Variants in OR52E5 observed in about 807,000 individuals in gnomAD.
OR52E5 encodes the protein olfactory receptor 52E5.
Position 5,902,671 on chromosome 11 carries a change from T to C in OR52E5, c.*911T>C, listed in dbSNP as rs1847272479. ...GTGTGGCTGCTGAAATAATATAAAGTCATTCTTAATAAGGTATAGAAGATA... is the reference window on the plus strand; with the variant it reads ...GTGTGGCTGCTGAAATAATATAAAGCCATTCTTAATAAGGTATAGAAGATA... On this transcript the variant is annotated 3_prime_UTR_variant, in exon 3 of 3. Coordinates refer to ENST00000610445, the MANE Select transcript of OR52E5 (RefSeq NM_001005166.5). The C allele has an allele frequency of 6.6e-6, 1 of 152,156 alleles. No homozygotes were observed. The highest frequency in any genetic ancestry group is 1.5e-5 in the Non-Finnish European group (1 of 68,024). 9.4% of individuals were successfully genotyped at this position (152,156 alleles called of 1,614,324 possible).
At chr11:5,896,438 A>G (rs1160581782) in intron 2 of OR52E5, among the ~76,000 whole-genome samples, 2 of 143,156 alleles carry the variant, frequency 1.4e-5, no homozygotes, top group African/African-American at 2.6e-5. Context: ...AAAAAAAAAA[A>G]TCAGAGAAGA....
rs117829843 is a variant in OR52E5 at position 5,901,063 on chromosome 11, T to G, written c.287T>G (p.Phe96Cys). ...IFWFNLGEIA[F>C]GACITQMYTI... ...TGGTTTAATCTTGGAGAGATTGCAT[T>G]TGGTGCCTGCATCACACAGATGTAT... Residue 96 changes from phenylalanine (F) to cysteine (C), a missense_variant, in exon 3 of 3, where the codon TTT becomes TGT. Coordinates refer to ENST00000610445, the MANE Select transcript of OR52E5 (RefSeq NM_001005166.5). 6,056 of 401,744 alleles carry G rather than the reference T, an allele frequency of 0.015. 69 individuals are homozygous for G. The highest frequency in any genetic ancestry group is 0.032 in the Middle Eastern group (102 of 3,222). 24.9% of individuals were successfully genotyped at this position (401,744 alleles called of 1,614,324 possible).
rs1847238282 is a variant in OR52E5, at chr11:5,900,766, T to A, written c.-11T>A. ...ATGCAAGAAATGTGTCTGTAGGGAATGGCCACCAATATGCTTCATACCAAC... is the reference window on the plus strand; with the variant it reads ...ATGCAAGAAATGTGTCTGTAGGGAAAGGCCACCAATATGCTTCATACCAAC... On this transcript the variant is annotated 5_prime_UTR_variant, in exon 3 of 3. It removes an upstream start codon present in the reference 5' UTR. Coordinates refer to ENST00000610445, the MANE Select transcript of OR52E5 (RefSeq NM_001005166.5). 1 of 400,386 alleles carries A rather than the reference T, an allele frequency of 2.5e-6. No homozygotes were observed. 24.8% of individuals were successfully genotyped at this position (400,386 alleles called of 1,614,324 possible).
intron 2 of OR52E5, among the ~76,000 whole-genome samples, chr11:5,899,803 C>T (rs1162990417): frequency 6.6e-6 from 1 of 152,172 alleles, no homozygotes; most frequent in Admixed American, 6.5e-5. Context: ...AAACCAGACT[C>T]AACCACAAGG....
intron 2 of OR52E5, among the ~76,000 whole-genome samples, chr11:5,899,404 C>A (rs1394495981): frequency 6.6e-6 from 1 of 152,126 alleles, no homozygotes; most frequent in Non-Finnish European, 1.5e-5. Context: ...TCTTGGGAAG[C>A]AATTCCACAC....
rs1310883403 is a variant in OR52E5 at position 5,899,957 on chromosome 11, T to C, written c.-145-675T>C. ...ATCTGAGGCAAGTATCTGACCTCAG[T>C]ATCTTTTAAAAAGATAGAGACAATT... On this transcript the variant is annotated intron_variant, in intron 2 of 2. Coordinates refer to ENST00000610445, the MANE Select transcript of OR52E5 (RefSeq NM_001005166.5). 3.3e-5 allele frequency among the ~76,000 whole-genome samples: 5 copies of C among 152,324 alleles called. No homozygotes were observed. In the East Asian group the frequency reaches 9.6e-4, roughly 29 times the overall value.
chr11:5,899,115 T>C (rs562097118), intron 2 of OR52E5, among the ~76,000 whole-genome samples: 1 of 152,328 alleles, frequency 6.6e-6, no homozygotes, highest in East Asian at 1.9e-4. Flanking sequence ...TCATTGGTGT[T>C]TTTTAGTTCT....
chr11:5,900,375 T>TACAC (rs61415771), intron 2 of OR52E5, among the ~76,000 whole-genome samples: 66 of 150,478 alleles, frequency 4.4e-4, no homozygotes, highest in Middle Eastern at 3.4e-3. Flanking sequence ...AGTGACATTT[T>TACAC]ACACACACAC....
chr11:5,893,594 G>A (rs567180786), intron 1 of OR52E5, among the ~76,000 whole-genome samples: 17 of 152,038 alleles, frequency 1.1e-4, no homozygotes, highest in Non-Finnish European at 2.5e-4. Context: ...AAGATGAGAA[G>A]GATGTTAACA....
chr11:5,897,984 T>A (rs1847198601), intron 2 of OR52E5, among the ~76,000 whole-genome samples: 1 of 151,762 alleles, frequency 6.6e-6, no homozygotes, highest in South Asian at 2.1e-4. Flanking sequence ...CACCTCACCC[T>A]CCTGAGTAGC....
intron 2 of OR52E5, among the ~76,000 whole-genome samples, chr11:5,898,466 T>C (rs1354124799): frequency 6.6e-6 from 1 of 152,168 alleles, no homozygotes. Flanking sequence ...TTTATTTTTG[T>C]TTTCATTTTC....
At chr11:5,894,969 T>A (rs1847153750) in intron 1 of OR52E5, among the ~76,000 whole-genome samples, 1 of 152,138 alleles carries the variant, frequency 6.6e-6, no homozygotes, top group Non-Finnish European at 1.5e-5. Flanking sequence ...ATAGTTTGTG[T>A]TCTCAGAAAA....
chr11:5,898,208 T>C (rs1275496778), intron 2 of OR52E5, among the ~76,000 whole-genome samples: 3 of 152,106 alleles, frequency 2.0e-5, no homozygotes, highest in Non-Finnish European at 4.4e-5. Context: ...ATGATGAACA[T>C]TTTTTCATAT....
intron 2 of OR52E5, among the ~76,000 whole-genome samples, chr11:5,899,531 G>A (rs1478113673): frequency 6.6e-6 from 1 of 152,064 alleles, no homozygotes; most frequent in Non-Finnish European, 1.5e-5. Flanking sequence ...TTTTCTTTAG[G>A]ATTAGTAGCA....
At chr11:5,893,808 A>C (rs551609110) in intron 1 of OR52E5, among the ~76,000 whole-genome samples, 246 of 152,142 alleles carry the variant, frequency 1.6e-3, no homozygotes, top group African/African-American at 5.3e-3. Flanking sequence ...TAGAAATACA[A>C]AAAAAATAAA....
In OR52E5 at chr11:5,900,475, A is replaced by T. The variant is rs181619584; in HGVS notation, c.-145-157A>T. ...AATAAATATATGCTAATTTAATGCC[A>T]TATGGAAGTTTTTTCTTAGAGACTG... On this transcript the variant is annotated intron_variant, in intron 2 of 2. Coordinates refer to ENST00000610445, the MANE Select transcript of OR52E5 (RefSeq NM_001005166.5). 3.8e-3 allele frequency among the ~76,000 whole-genome samples: 578 copies of T among 152,272 alleles called. 7 individuals carry two copies. The highest frequency in any genetic ancestry group is 0.013 in the African/African-American group (547 of 41,562).
At chr11:5,899,624 C>A (rs1847222016) in intron 2 of OR52E5, among the ~76,000 whole-genome samples, 1 of 152,168 alleles carries the variant, frequency 6.6e-6, no homozygotes, top group African/African-American at 2.4e-5. Context: ...CTGCCCGAAT[C>A]TGACTAACCC....
intron 2 of OR52E5, among the ~76,000 whole-genome samples, chr11:5,899,012 G>A (rs1033487560): frequency 6.6e-6 from 1 of 152,102 alleles, no homozygotes; most frequent in African/African-American, 2.4e-5. Flanking sequence ...CATAGAATCT[G>A]TAGATTGCTT....
chr11:5,895,342 C>G (rs1847159147), intron 1 of OR52E5, among the ~76,000 whole-genome samples: 1 of 152,172 alleles, frequency 6.6e-6, no homozygotes, highest in Admixed American at 6.5e-5. Context: ...TTTATATTCA[C>G]AGGAAACAGT....
Sources: gnomAD v4.1 joint callset for allele counts (sites outside exome capture counted in the v4.1 genomes callset) on GRCh38, gnomAD v4.1.1 for gene constraint, MANE v1.5 for transcripts, NCBI Gene and HGNC (gene_info 2026-07-23, HGNC 2026-07-21) for gene names.